LIMCH1: variants seen among roughly 807,000 people sequenced by gnomAD.
The protein encoded by LIMCH1 is LIM and calponin homology domains-containing protein 1.
LIMCH1 carries 113 observed loss-of-function variants against 176.5 expected under a neutral mutation model. The observed-to-expected ratio is 0.64, with a 90% CI of 0.55 to 0.75. The LOEUF (loss-of-function observed/expected upper bound fraction) is 0.75, where lower values mean the gene tolerates loss of function less well. LIMCH1 is among the 30% of genes least tolerant of loss of function. The probability of loss-of-function intolerance (pLI) is 0.00; values close to 1 mark genes in which losing one functional copy is unlikely to be tolerated. For synonymous variants in LIMCH1, 619 were observed against 645.9 expected, an observed-to-expected ratio of 0.96 and a Z score of 0.63; for missense variants, 1,674 against 1,814.9, an observed-to-expected ratio of 0.92 and a Z score of 1.41.
intron 2 of LIMCH1, among the ~76,000 whole-genome samples, chr4:41,601,338 C>G (rs2089886613): frequency 6.6e-6 from 1 of 152,102 alleles, no homozygotes; most frequent in African/African-American, 2.4e-5. Context: ...AAGACAGTGG[C>G]CAGTCCGGAG....
chr4:41,605,437 C>A (rs2090560405), intron 3 of LIMCH1, among the ~76,000 whole-genome samples: 1 of 152,036 alleles, frequency 6.6e-6, no homozygotes, highest in Non-Finnish European at 1.5e-5. Flanking sequence ...TTTTTTTCTG[C>A]CATTGGCCTT....
intron 1 of LIMCH1, among the ~76,000 whole-genome samples, chr4:41,451,541 C>T (rs150410247): frequency 3.9e-5 from 6 of 152,190 alleles, no homozygotes; most frequent in Admixed American, 1.3e-4. Context: ...TTCCCACCCC[C>T]GGGACCTCTC....
At chr4:41,383,369 G>C (rs1406727911) in intron 1 of LIMCH1, among the ~76,000 whole-genome samples, 1 of 152,168 alleles carries the variant, frequency 6.6e-6, no homozygotes, top group South Asian at 2.1e-4. Context: ...GAACATATAG[G>C]ACAGACAGCC....
At position 41,631,137 on chromosome 4, in the gene LIMCH1, G is replaced by T. The variant is rs942072878; in HGVS notation, c.1272-11G>T. ...CAGACACTTTTAGAACTTATTTCTGGTTTTGACTAGGGATGGAGATGTTCA... is the reference window on the plus strand; with the variant it reads ...CAGACACTTTTAGAACTTATTTCTGTTTTTGACTAGGGATGGAGATGTTCA... On this transcript the variant is annotated splice_polypyrimidine_tract_variant and intron_variant, in intron 9 of 31. Coordinates refer to ENST00000503057, the MANE Select transcript of LIMCH1 (RefSeq NM_001330672.2). 4.0e-6 allele frequency: 6 copies of T among 1,491,688 alleles called. No homozygotes were observed. The Middle Eastern group carries it at 7.0e-4, about 173-fold the overall frequency. 92.4% of individuals were successfully genotyped at this position (1,491,688 alleles called of 1,614,324 possible).
intron 1 of LIMCH1, among the ~76,000 whole-genome samples, chr4:41,437,023 C>A (rs2062156772): frequency 6.6e-6 from 1 of 152,138 alleles, no homozygotes; most frequent in South Asian, 2.1e-4. Flanking sequence ...ACACACAAAT[C>A]TTCTTTTAAG....
chr4:41,651,678 C>T (rs960099262), intron 18 of LIMCH1, among the ~76,000 whole-genome samples: 76 of 152,056 alleles, frequency 5.0e-4, no homozygotes, highest in African/African-American at 1.8e-3. Flanking sequence ...TTTCCATCCC[C>T]GGCGATGTAT....
chr4:41,613,203 T>A (rs1048827793), intron 4 of LIMCH1: 35 of 1,063,432 alleles, frequency 3.3e-5, no homozygotes, highest in African/African-American at 2.1e-4. Flanking sequence ...CTTTTTTTTT[T>A]AAACCTAGGG....
At chr4:41,623,646 A>G (rs1353959607) in intron 7 of LIMCH1, among the ~76,000 whole-genome samples, 2 of 152,278 alleles carry the variant, frequency 1.3e-5, no homozygotes, top group Non-Finnish European at 2.9e-5. Context: ...CTGTAATCCC[A>G]GCTACTTGGG....
chr4:41,597,625 A>C (rs1326164163), intron 1 of LIMCH1, among the ~76,000 whole-genome samples: 1 of 152,146 alleles, frequency 6.6e-6, no homozygotes, highest in African/African-American at 2.4e-5. Context: ...AGCTCCTTCC[A>C]AGCTCATGTG....
intron 22 of LIMCH1, among the ~76,000 whole-genome samples, chr4:41,675,636 G>A (rs1475130251): frequency 6.6e-6 from 1 of 152,006 alleles, no homozygotes; most frequent in Non-Finnish European, 1.5e-5. Context: ...TTTCCTGGGG[G>A]CAGGCTGTGA....
intron 19 of LIMCH1, 126 bp downstream of exon 19, chr4:41,661,636 G>A (rs1050021411): frequency 1.4e-6 from 1 of 728,368 alleles, no homozygotes; most frequent in Non-Finnish European, 2.4e-6. Context: ...GAGTGGTGCG[G>A]TTGTGCTGCC....
Position 41,687,208 on chromosome 4 carries a change from A to G in LIMCH1, c.4089-632A>G, listed in dbSNP as rs145936264. On this transcript the variant is annotated intron_variant, in intron 28 of 31. Coordinates refer to ENST00000503057, the MANE Select transcript of LIMCH1 (RefSeq NM_001330672.2). ...TTTTAAAAGCAAGAGCCCAGAGCTG[A>G]TGGCTTAATCACAGGCAGGGCTCAC... Among the ~76,000 whole-genome samples the G allele has an allele frequency of 1.9e-3, 287 of 152,312 alleles. 2 individuals carry two copies. The highest frequency in any genetic ancestry group is 6.7e-3 in the African/African-American group (279 of 41,566).
chr4:41,587,551 T>A (rs1347425654), intron 1 of LIMCH1, among the ~76,000 whole-genome samples: 1 of 152,090 alleles, frequency 6.6e-6, no homozygotes, highest in Non-Finnish European at 1.5e-5. Context: ...CACAAGAGAT[T>A]AAGGAAGTCC....
chr4:41,372,123 C>A lies in LIMCH1; in HGVS notation c.96+11187C>A, dbSNP rs558466831. 2.5e-4 allele frequency among the ~76,000 whole-genome samples: 38 copies of A among 152,304 alleles called. 1 individual carries two copies. Among genetic ancestry groups the A allele is most frequent in the African/African-American group, 8.9e-4 (37 of 41,570 alleles). ...ATTGAAACGTCTGCTTTTCCCAGAT[C>A]TTTCTGCATTTTCCTCTCATCTCCA... On this transcript the variant is annotated intron_variant, in intron 1 of 26. Transcript: ENST00000313860.
At chr4:41,639,995 CA>C (rs1272702559) in intron 14 of LIMCH1, among the ~76,000 whole-genome samples, 1 of 152,082 alleles carries the variant, frequency 6.6e-6, no homozygotes, top group Non-Finnish European at 1.5e-5. Context: ...TGAGATTAGG[CA>C]AAAAATTAAG....
chr4:41,391,821 G>GA (rs1249777007), intron 1 of LIMCH1, among the ~76,000 whole-genome samples: 1 of 152,126 alleles, frequency 6.6e-6, no homozygotes, highest in Non-Finnish European at 1.5e-5. Context: ...GACATTAGTG[G>GA]AAAAACTGGT....
intron 1 of LIMCH1, among the ~76,000 whole-genome samples, chr4:41,462,798 T>C (rs891755100): frequency 3.3e-5 from 5 of 152,198 alleles, no homozygotes; most frequent in Non-Finnish European, 7.3e-5. Context: ...GTTTGGCTTT[T>C]TTTCCCCCAA....
intron 2 of LIMCH1, among the ~76,000 whole-genome samples, chr4:41,513,174 G>C (rs1394961802): frequency 6.6e-6 from 1 of 152,142 alleles, no homozygotes; most frequent in African/African-American, 2.4e-5. Context: ...ATTAAGATCA[G>C]AAATAGTAAC....
At chr4:41,470,934 A>C (rs2066866860) in intron 1 of LIMCH1, among the ~76,000 whole-genome samples, 1 of 152,060 alleles carries the variant, frequency 6.6e-6, no homozygotes, top group African/African-American at 2.4e-5. Flanking sequence ...TTAAAAAAGG[A>C]ACTACAAAGG....
Sources: gnomAD v4.1 joint callset for allele counts (sites outside exome capture counted in the v4.1 genomes callset) on GRCh38, gnomAD v4.1.1 for gene constraint, MANE v1.5 for transcripts, NCBI Gene and HGNC (gene_info 2026-07-23, HGNC 2026-07-21) for gene names.